LPIN3: variants seen among roughly 807,000 people sequenced by gnomAD.
LPIN3 encodes the protein phosphatidate phosphatase LPIN3.
Under a neutral mutation model 94.7 loss-of-function variants are expected in LPIN3, and 82 were observed. The ratio of observed to expected loss-of-function variants is 0.87; its 90% confidence interval spans 0.72 to 1.04. The LOEUF is 1.04. LPIN3 is among the 50% of genes least tolerant of loss of function. The pLI is 0.00. For missense variants in LPIN3, 996 were observed against 1,090.5 expected (o/e 0.91, Z 1.22); for synonymous variants, 418 against 443.3 (o/e 0.94, Z 0.72).
intron 14 of LPIN3, among the ~76,000 whole-genome samples, chr20:41,356,281 T>C (rs909481363): frequency 1.8e-4 from 27 of 152,194 alleles, no homozygotes; most frequent in African/African-American, 6.3e-4. Flanking sequence ...CCTCCTAAGA[T>C]ATCAACCTGT....
chr20:41,356,041 G>A lies in LPIN3; in HGVS notation c.1803+7G>A, dbSNP rs756738969. On this transcript the variant is annotated splice_region_variant and intron_variant, in intron 14 of 19. Coordinates refer to ENST00000373257, the MANE Select transcript of LPIN3 (RefSeq NM_022896.3). Reference sequence around the variant, plus strand: ...CCTCTCCTCCGATCAGATCGTAAGTGTGGGTTGTCTGTGTGGAGGTTGGGG... The same window carrying A: ...CCTCTCCTCCGATCAGATCGTAAGTATGGGTTGTCTGTGTGGAGGTTGGGG... 1.2e-6 allele frequency: 2 copies of A among 1,612,574 alleles called. No homozygotes were observed. The highest frequency in any genetic ancestry group is 1.7e-6 in the Non-Finnish European group (2 of 1,178,806).
chr20:41,359,123 CTTTTTTTTTTTT>C lies in LPIN3; in HGVS notation c.*271_*282del, dbSNP rs75257468. The C allele has an allele frequency of 3.8e-4, 29 of 77,016 alleles. 2 individuals are homozygous for C. The East Asian group carries it at 0.01, about 27-fold the overall frequency. 4.8% of individuals were successfully genotyped at this position (77,016 alleles called of 1,614,324 possible). ...TTGTCATCTGGGCCCTTGCAGGGTT[CTTTTTTTTTTTT>C]TTTTTTTTTTTTTCCTGAGACAGGG... On this transcript the variant is annotated 3_prime_UTR_variant, in exon 20 of 20. Coordinates refer to ENST00000373257, the MANE Select transcript of LPIN3 (RefSeq NM_022896.3).
intron 10 of LPIN3, 22 bp downstream of exon 10, chr20:41,352,721 G>A: frequency 6.2e-7 from 1 of 1,612,554 alleles, no homozygotes; most frequent in Non-Finnish European, 8.5e-7. Context: ...AGCTGGGGCT[G>A]CTGGCAGCCG....
Position 41,348,762 on chromosome 20 carries a change from G to T in LPIN3, c.432G>T (p.Arg144Ser). The change falls in exon 4 of 20, where the codon AGG (arginine) becomes AGT (serine). Residue 144 changes from arginine (R) to serine (S), a missense_variant. Coordinates refer to ENST00000373257, the MANE Select transcript of LPIN3 (RefSeq NM_022896.3). ...AGTASTGRRK[R>S]RRRRKPKQKE... ...CGGCCTCCACTGGGCGGAGGAAGAGGCGTCGCAGGAGGAAACCCAAGCAGA... is the reference window on the plus strand; with the variant it reads ...CGGCCTCCACTGGGCGGAGGAAGAGTCGTCGCAGGAGGAAACCCAAGCAGA... The T allele has an allele frequency of 2.5e-6, 4 of 1,613,252 alleles. No homozygotes were observed. Among genetic ancestry groups the T allele is most frequent in the Non-Finnish European group, 3.4e-6 (4 of 1,179,734 alleles).
rs1477945241 is a variant in LPIN3, at chr20:41,345,891, G to A, written c.88G>A (p.Gly30Ser). Residue 30 changes from glycine (G) to serine (S), a missense_variant, in exon 2 of 20, where the codon GGC becomes AGC. Physicochemically the swap from Gly to Ser is moderately conservative, Grantham distance 56. Coordinates refer to ENST00000373257, the MANE Select transcript of LPIN3 (RefSeq NM_022896.3). ...CCTGAACCCAGCCACACTGAGCGGC[G>A]GCATTGACGTGCTGGTGGTGAAGCA... ...RGLNPATLSG[G>S]IDVLVVKQVD... 9.3e-6 allele frequency: 15 copies of A among 1,614,192 alleles called. No individual in the cohort carries two copies. Among genetic ancestry groups the A allele is most frequent in the South Asian group, 2.2e-5 (2 of 91,086 alleles).
chr20:41,341,272 T>C (rs2045568766), intron 1 of LPIN3, among the ~76,000 whole-genome samples: 1 of 152,208 alleles, frequency 6.6e-6, no homozygotes, highest in African/African-American at 2.4e-5. Context: ...TACCCCAGCC[T>C]GACTGTGTGA....
rs199630486 is a variant in LPIN3, at chr20:41,345,903, C to A, written c.100C>A (p.Leu34Met). ...CACACTGAGCGGCGGCATTGACGTGCTGGTGGTGAAGCAGGTGGACGGCTC... is the reference window on the plus strand; with the variant it reads ...CACACTGAGCGGCGGCATTGACGTGATGGTGGTGAAGCAGGTGGACGGCTC... ...PATLSGGIDV[L>M]VVKQVDGSFR... The change falls in exon 2 of 20, where the codon CTG becomes ATG. Residue 34 changes from leucine (L) to methionine (M), a missense_variant. Coordinates refer to ENST00000373257, the MANE Select transcript of LPIN3 (RefSeq NM_022896.3). The A allele has an allele frequency of 4.3e-6, 7 of 1,614,220 alleles. 1 individual carries two copies. The South Asian group carries it at 7.7e-5, about 18-fold the overall frequency.
At chr20:41,341,215 T>G (rs1463772849) in intron 1 of LPIN3, among the ~76,000 whole-genome samples, 1 of 151,776 alleles carries the variant, frequency 6.6e-6, no homozygotes, top group Non-Finnish European at 1.5e-5. Context: ...GAACGTAGAG[T>G]CTGGAGAGGA....
rs2046191732 is a variant in LPIN3 at position 41,355,931 on chromosome 20, C to T, written c.1700C>T (p.Ala567Val). Residue 567 changes from alanine to valine, a missense_variant, in exon 14 of 20, where the codon GCC becomes GTC. Ala to Val is a moderately conservative substitution (Grantham distance 64). Coordinates refer to ENST00000373257, the MANE Select transcript of LPIN3 (RefSeq NM_022896.3). ...KTEVLSSDDD[A>V]PDSPVILEIP... ...GAAGTCCTGAGCAGTGATGACGATG[C>T]CCCAGACAGCCCTGTGATCCTGGAG... is the stretch of plus-strand genomic sequence containing the variant. The T allele has an allele frequency of 1.2e-6, 2 of 1,614,016 alleles. No individual in the cohort carries two copies. The highest frequency in any genetic ancestry group is 1.7e-6 in the Non-Finnish European group (2 of 1,180,012).
Position 41,358,972 on chromosome 20 carries a change from G to A in LPIN3, c.*106G>A, listed in dbSNP as rs74974231. ...AGTGTCATGGGGCAAACCCACTGAA[G>A]GGGAAGGAGGAGGCTGCAGGTTGGT... On this transcript the variant is annotated 3_prime_UTR_variant, in exon 20 of 20. Transcript: ENST00000373257. 0.17 allele frequency: 231,665 copies of A among 1,403,574 alleles called. 20,935 individuals carry two copies. The highest frequency in any genetic ancestry group is 0.18 in the Non-Finnish European group (188,642 of 1,036,256). 86.9% of individuals were successfully genotyped at this position (1,403,574 alleles called of 1,614,324 possible). A position where few individuals can be genotyped will look rare whatever the true frequency, so the allele number is the denominator to read the frequency against.
intron 15 of LPIN3, 41 bp from the exon 16 acceptor site, chr20:41,357,320 C>T (rs760285886): frequency 2.2e-5 from 35 of 1,605,260 alleles, no homozygotes; most frequent in South Asian, 1.8e-4. Context: ...AGCTGGGCCA[C>T]GTGGAGCTGC....
rs201127343 is a variant in LPIN3 at position 41,347,679 on chromosome 20, G to A, written c.288+32G>A. On this transcript the variant is annotated intron_variant, in intron 3 of 19. Transcript: ENST00000373257. ...CTGCCCTCCTAACAGCACCTGCCCCGCCCACCCCTTTCCTGTGCCTCTTCT... is the reference window on the plus strand; with the variant it reads ...CTGCCCTCCTAACAGCACCTGCCCCACCCACCCCTTTCCTGTGCCTCTTCT... 5.1e-4 allele frequency: 803 copies of A among 1,567,220 alleles called. 7 individuals carry two copies. In the African/African-American group the frequency reaches 9.3e-3, roughly 18 times the overall value.
intron 11 of LPIN3, 35 bp from the exon 12 acceptor site, chr20:41,354,610 C>A: frequency 6.5e-7 from 1 of 1,534,516 alleles, no homozygotes; most frequent in Non-Finnish European, 8.8e-7. Context: ...TTATGTGGTG[C>A]AGGAAACACT....
rs1299975269 is a variant in LPIN3 at position 41,349,019 on chromosome 20, G to C, written c.558-73G>C. ...AGTTGCTTCACCTTACCAAGCCCCT[G>C]ATGTCCAGGCTCTCATGCCTGCCTG... On this transcript the variant is annotated intron_variant, in intron 4 of 19. Transcript: ENST00000373257. 6 of 1,594,158 alleles carry C rather than the reference G, an allele frequency of 3.8e-6. No homozygotes were observed. In the African/African-American group the frequency reaches 8.1e-5, roughly 21 times the overall value.
intron 1 of LPIN3, 45 bp from the exon 2 acceptor site, chr20:41,345,751 G>C: frequency 3.2e-6 from 5 of 1,551,672 alleles, no homozygotes; most frequent in Non-Finnish European, 4.4e-6. Flanking sequence ...TCTTGTGGAG[G>C]AGCTGGAGCA....
At chr20:41,356,073 T>C (rs762762563) in intron 14 of LPIN3, 39 bp downstream of exon 14, 1 of 1,605,650 alleles carries the variant, frequency 6.2e-7, no homozygotes, top group Admixed American at 1.7e-5. Context: ...GGGGAGGGGC[T>C]GAGCTAATTC....
In LPIN3 at chr20:41,359,707, C is replaced by T. The variant is rs75363196; in HGVS notation, c.*841C>T. ...TGCCCTGGCATCTCAGCACATGACA[C>T]ACACCCACACCTGCAGGCTGTGGTT... On this transcript the variant is annotated 3_prime_UTR_variant, in exon 20 of 20. Coordinates refer to ENST00000373257, the MANE Select transcript of LPIN3 (RefSeq NM_022896.3). 7,743 of 152,668 alleles carry T rather than the reference C, an allele frequency of 0.051. 819 individuals carry two copies. Among genetic ancestry groups the T allele is most frequent in the East Asian group, 0.49 (2,550 of 5,170 alleles). The allele number at this position is 152,668 out of a possible 1,614,324, so 9.5% of individuals were successfully genotyped here.
chr20:41,355,615 T>C (rs1040586963), intron 13 of LPIN3, among the ~76,000 whole-genome samples: 36 of 152,186 alleles, frequency 2.4e-4, no homozygotes, highest in African/African-American at 7.5e-4. Flanking sequence ...AGCCCAGAGA[T>C]ACACTTTAGG....
chr20:41,354,479 C>G (rs1402804506), intron 11 of LPIN3, among the ~76,000 whole-genome samples, 166 bp from the exon 12 acceptor site: 1 of 152,180 alleles, frequency 6.6e-6, no homozygotes, highest in Non-Finnish European at 1.5e-5. Context: ...TGCTTGGAAT[C>G]CCAGGATGGA....
Sources: gnomAD v4.1 joint callset for allele counts (sites outside exome capture counted in the v4.1 genomes callset) on GRCh38, gnomAD v4.1.1 for gene constraint, MANE v1.5 for transcripts, NCBI Gene and HGNC (gene_info 2026-07-23, HGNC 2026-07-21) for gene names.